Variants in GABRA5 observed in about 807,000 individuals in gnomAD.
GABRA5 encodes gamma-aminobutyric acid receptor subunit alpha-5.
A neutral mutation model predicts 47.3 loss-of-function variants in GABRA5; 18 were observed. The ratio of observed to expected loss-of-function variants is 0.38; its 90% CI spans 0.26 to 0.56. The LOEUF (loss-of-function observed/expected upper bound fraction) is 0.56, where lower values mean the gene tolerates loss of function less well. GABRA5 is among the 20% of genes least tolerant of loss of function. The pLI, the probability that GABRA5 is intolerant of heterozygous loss-of-function variation, is 0.71. For missense variants in GABRA5, 365 were observed against 599.3 expected, an observed-to-expected ratio of 0.61 and a Z score of 4.08; for synonymous variants, 237 against 229.3, an observed-to-expected ratio of 1.03 and a Z score of -0.30.
intron 7 of GABRA5, among the ~76,000 whole-genome samples, chr15:26,927,216 G>C (rs1893981695): frequency 6.6e-6 from 1 of 151,212 alleles, no homozygotes; most frequent in Non-Finnish European, 1.5e-5. Context: ...GGATTCTCCT[G>C]CCTCAGCCTC....
At chr15:26,902,033 C>T (rs185711273) in intron 6 of GABRA5, among the ~76,000 whole-genome samples, 87 of 152,176 alleles carry the variant, frequency 5.7e-4, no homozygotes, top group Admixed American at 2.0e-4. Context: ...CAATTCTACA[C>T]TGTCTTGATT....
rs1468130659 is a variant in GABRA5, at chr15:26,872,663, A to G, written c.86+3329A>G. ...GAGAAGCATCAAAGGGTTTAATTTG[A>G]ACCTGATTCTAGGACAAGAGAAGTG... On this transcript the variant is annotated intron_variant, in intron 3 of 10. Transcript: ENST00000335625. Among the ~76,000 whole-genome samples, 54 of 152,214 alleles carry G rather than the reference A, an allele frequency of 3.5e-4. 1 individual carries two copies. The highest frequency in any genetic ancestry group is 3.5e-3 in the Admixed American group (54 of 15,284).
chr15:26,936,179 C>CT (rs1356457528), intron 7 of GABRA5, among the ~76,000 whole-genome samples: 3 of 152,190 alleles, frequency 2.0e-5, no homozygotes, highest in African/African-American at 7.2e-5. Flanking sequence ...TTCCTGAGGC[C>CT]TCCCCAGCCA....
At chr15:26,922,615 T>C (rs1299336176) in intron 7 of GABRA5, among the ~76,000 whole-genome samples, 1 of 152,192 alleles carries the variant, frequency 6.6e-6, no homozygotes, top group East Asian at 1.9e-4. Context: ...GGCTTTCTGC[T>C]TTTTCTGTGT....
At chr15:26,891,309 T>C (rs1892999751) in intron 6 of GABRA5, among the ~76,000 whole-genome samples, 2 of 152,196 alleles carry the variant, frequency 1.3e-5, no homozygotes, top group African/African-American at 4.8e-5. Flanking sequence ...TATAAACGCA[T>C]TTAAACTACA....
At chr15:26,924,770 A>AC (rs1893921404) in intron 7 of GABRA5, among the ~76,000 whole-genome samples, 1 of 152,110 alleles carries the variant, frequency 6.6e-6, no homozygotes, top group Non-Finnish European at 1.5e-5. Flanking sequence ...TTCTTGTCCT[A>AC]CTAGGTTGCA....
intron 9 of GABRA5, among the ~76,000 whole-genome samples, chr15:26,942,643 C>A (rs1326936685): frequency 3.3e-5 from 5 of 152,210 alleles, no homozygotes. Context: ...TGAGCACTGG[C>A]TGTTTGCCTG....
At chr15:26,905,303 T>G (rs2140283947) in intron 6 of GABRA5, among the ~76,000 whole-genome samples, 1 of 151,822 alleles carries the variant, frequency 6.6e-6, no homozygotes. Context: ...TTTCAGCACA[T>G]TTAGTATTTC....
At chr15:26,878,033 T>C (rs76410351) in intron 3 of GABRA5, among the ~76,000 whole-genome samples, 2,948 of 152,246 alleles carry the variant, frequency 0.019, 89 homozygotes, top group African/African-American at 0.067. Flanking sequence ...AAAGCAGAAG[T>C]GGCGCGTCGG....
rs1469904624 is a variant in GABRA5, at chr15:26,937,171, CCCT to C, written c.581-9_581-7del. ...TTTCATGTTTATGTCACTTTCTGCC[CCCT>C]CCTCATACAGATGCGTACCCTAATT... On this transcript the variant is annotated splice_polypyrimidine_tract_variant and intron_variant, in intron 7 of 10. Coordinates refer to ENST00000335625, the MANE Select transcript of GABRA5 (RefSeq NM_000810.4). The C allele has an allele frequency of 3.1e-6, 5 of 1,613,710 alleles. No individual in the cohort carries two copies. The African/African-American group carries it at 4.0e-5, about 13-fold the overall frequency.
chr15:26,924,009 A>G (rs1053706402), intron 7 of GABRA5, among the ~76,000 whole-genome samples: 4 of 151,914 alleles, frequency 2.6e-5, no homozygotes, highest in African/African-American at 9.7e-5. Flanking sequence ...TCATTTTACA[A>G]TGGCTGCTTT....
chr15:26,875,125 T>G (rs1157411650), intron 3 of GABRA5, among the ~76,000 whole-genome samples: 1 of 152,226 alleles, frequency 6.6e-6, no homozygotes, highest in East Asian at 1.9e-4. Flanking sequence ...CTATGCCAAA[T>G]GCTCAAGCAA....
intron 7 of GABRA5, among the ~76,000 whole-genome samples, chr15:26,936,564 C>T (rs1894249384): frequency 6.6e-6 from 1 of 152,178 alleles, no homozygotes; most frequent in East Asian, 1.9e-4. Flanking sequence ...ACCTGAATTC[C>T]ATGTGCAACA....
intron 8 of GABRA5, among the ~76,000 whole-genome samples, chr15:26,938,397 T>C (rs527250362): frequency 2.4e-4 from 37 of 152,356 alleles, no homozygotes; most frequent in Admixed American, 5.9e-4. Context: ...AGTTTGGAGC[T>C]GTTTCATGTA....
Position 26,883,391 on chromosome 15 carries a change from T to G in GABRA5, c.331T>G (p.Phe111Val), listed in dbSNP as rs764247774. The G allele has an allele frequency of 6.2e-7, 1 of 1,613,896 alleles. No individual in the cohort carries two copies. Among genetic ancestry groups the G allele is most frequent in the Non-Finnish European group, 8.5e-7 (1 of 1,179,890 alleles). The change falls in exon 6 of 11, where the codon TTT becomes GTT. Residue 111 changes from phenylalanine (F) to valine (V), a missense_variant. By Grantham distance (50) the Phe-to-Val change is conservative. Around this residue, in one of 3 missense-constraint regions of GABRA5, gnomAD observed 216 missense variants for 335.3 expected, o/e 0.64. Transcript: ENST00000335625. This position sits in a 1 kb window ranked among gnomAD's most constrained non-coding sequence, Gnocchi z 4.8. ...RQSWKDERLR[F>V]KGPMQRLPLN... is the part of the protein sequence containing the mutation. ...AAGCTGGAAAGATGAAAGGCTTCGG[T>G]TTAAGGGGCCCATGCAGCGCCTCCC...
chr15:26,929,033 G>T (rs1013661472), intron 7 of GABRA5, among the ~76,000 whole-genome samples: 1 of 147,312 alleles, frequency 6.8e-6, no homozygotes, highest in South Asian at 2.1e-4. Context: ...ATGAATTTTG[G>T]GGGGGACACA....
chr15:26,895,809 C>A (rs1410964912), intron 6 of GABRA5, among the ~76,000 whole-genome samples: 1 of 17,812 alleles, frequency 5.6e-5, no homozygotes, highest in Non-Finnish European at 1.1e-4. Flanking sequence ...AGCAAGACTC[C>A]GTCAAAAAAA....
Position 26,867,131 on chromosome 15 carries a change from C to G in GABRA5, c.-140+20C>G, listed in dbSNP as rs1036987019. 1.3e-5 allele frequency: 2 copies of G among 150,928 alleles called. No homozygotes were observed. Among genetic ancestry groups the G allele is most frequent in the Non-Finnish European group, 3.0e-5 (2 of 67,620 alleles). 9.3% of individuals were successfully genotyped at this position (150,928 alleles called of 1,614,324 possible). A position where few individuals can be genotyped will look rare whatever the true frequency, so the allele number is the denominator to read the frequency against. Reference sequence around the variant, plus strand: ...GGCGAGGTGAGAGCGGGCGCGAGTGCGCCGGGGGCGCTGGGGGGCTCTGCG... The same window carrying G: ...GGCGAGGTGAGAGCGGGCGCGAGTGGGCCGGGGGCGCTGGGGGGCTCTGCG... On this transcript the variant is annotated intron_variant, in intron 1 of 10. Coordinates refer to ENST00000335625, the MANE Select transcript of GABRA5 (RefSeq NM_000810.4). This position sits in a 1 kb window ranked among gnomAD's most constrained non-coding sequence, Gnocchi z 5.9.
chr15:26,907,379 T>C (rs990731050), intron 6 of GABRA5, among the ~76,000 whole-genome samples: 2 of 152,206 alleles, frequency 1.3e-5, no homozygotes, highest in African/African-American at 4.8e-5. Context: ...ATAAAATAGG[T>C]CAATGTACAC....
Sources: gnomAD v4.1 joint callset for allele counts (sites outside exome capture counted in the v4.1 genomes callset) on GRCh38, gnomAD v4.1.1 for gene constraint, gnomAD v4.1.1 regional missense constraint, Gnocchi (gnomAD v3.1) non-coding constraint, MANE v1.5 for transcripts, NCBI Gene and HGNC (gene_info 2026-07-23, HGNC 2026-07-21) for gene names.